ELMO1: variants seen among roughly 807,000 people sequenced by gnomAD.
The protein encoded by ELMO1 is engulfment and cell motility protein 1.
Under a neutral mutation model 98.9 loss-of-function variants are expected in ELMO1, and 26 were observed. The ratio of observed to expected loss-of-function variants is 0.26; its 90% CI spans 0.19 to 0.36. The LOEUF is 0.36. Ranked by LOEUF, ELMO1 falls within the 10% of genes least tolerant of loss-of-function variation. The pLI is 1.00. For missense variants in ELMO1, 627 were observed against 935.2 expected (o/e 0.67, Z 4.30); for synonymous variants, 346 against 346.0 (o/e 1.00, Z 0.00).
intron 13 of ELMO1, among the ~76,000 whole-genome samples, chr7:37,175,362 C>T (rs977809484): frequency 2.0e-5 from 3 of 152,170 alleles, no homozygotes; most frequent in African/African-American, 4.8e-5. Flanking sequence ...CCAGTTGGAA[C>T]GGCATGCCAA....
chr7:37,000,093 A>AAACAAG (rs1792539746), intron 16 of ELMO1, among the ~76,000 whole-genome samples: 1 of 152,208 alleles, frequency 6.6e-6, no homozygotes, highest in South Asian at 2.1e-4. Flanking sequence ...AACCACAATA[A>AAACAAG]AACAAGCCAA....
intron 2 of ELMO1, among the ~76,000 whole-genome samples, chr7:37,316,929 A>AT (rs1172509140): frequency 0.01 from 1 of 96 alleles, no homozygotes; most frequent in Non-Finnish European, 0.021. Flanking sequence ...ATCAGTTCAA[A>AT]TCCAGCTCTA....
intron 17 of ELMO1, among the ~76,000 whole-genome samples, chr7:36,889,809 C>T (rs28501167): frequency 0.13 from 19,135 of 152,160 alleles, 1,362 homozygotes; most frequent in South Asian, 0.22. Context: ...ACAAGAGTTA[C>T]TCCCCGCTTT....
At position 37,159,569 on chromosome 7, in the gene ELMO1, G is replaced by A. The variant is rs180739223; in HGVS notation, c.1087-26335C>T. ...ACAAAAATTAGCCAGGCGTGGTGGT[G>A]TGCACCTATAGTCCCAGCTACTGGG... On this transcript the variant is annotated intron_variant, in intron 13 of 21. Transcript: ENST00000310758. Among the ~76,000 whole-genome samples the A allele has an allele frequency of 6.6e-3, 1,005 of 152,248 alleles. 6 individuals are homozygous for A. The highest frequency in any genetic ancestry group is 0.011 in the Non-Finnish European group (716 of 68,022).
chr7:37,291,951 C>G (rs1438435208), intron 4 of ELMO1, among the ~76,000 whole-genome samples: 1 of 91,302 alleles, frequency 1.1e-5, no homozygotes, highest in Non-Finnish European at 2.2e-5. Flanking sequence ...TCCCTCTGCC[C>G]ACGGTCTCCC....
At chr7:37,322,831 T>C (rs1385569205) in intron 2 of ELMO1, among the ~76,000 whole-genome samples, 1 of 151,810 alleles carries the variant, frequency 6.6e-6, no homozygotes, top group Non-Finnish European at 1.5e-5. Flanking sequence ...CGAAAAAAAA[T>C]TGGTATTGAG....
At chr7:37,397,611 A>C (rs1803352668) in intron 1 of ELMO1, among the ~76,000 whole-genome samples, 1 of 152,234 alleles carries the variant, frequency 6.6e-6, no homozygotes, top group Non-Finnish European at 1.5e-5. Flanking sequence ...AAAGATCTAG[A>C]ACCAGAAATA....
intron 14 of ELMO1, among the ~76,000 whole-genome samples, chr7:37,118,328 G>C (rs1785742554): frequency 6.6e-6 from 1 of 152,164 alleles, no homozygotes; most frequent in Non-Finnish European, 1.5e-5. Flanking sequence ...AGCTCCCAGA[G>C]CACTGGTCCA....
rs192609172 is a variant in ELMO1, at chr7:37,155,651, C to A, written c.1087-22417G>T. Among the ~76,000 whole-genome samples, 256 of 152,206 alleles carry A rather than the reference C, an allele frequency of 1.7e-3. 1 individual carries two copies. The highest frequency in any genetic ancestry group is 2.0e-3 in the Non-Finnish European group (139 of 68,024). On this transcript the variant is annotated intron_variant, in intron 13 of 21. Transcript: ENST00000310758. ...ATCCTAAATATATATGCACCCAATA[C>A]AGGAGCATCCAGATTCATAAAGCAA...
chr7:36,938,619 T>C (rs1447104880), intron 16 of ELMO1, among the ~76,000 whole-genome samples: 1 of 152,256 alleles, frequency 6.6e-6, no homozygotes, highest in Admixed American at 6.5e-5. Context: ...GCATATATCA[T>C]ATTATGATTA....
At chr7:37,289,142 A>G (rs1797548429) in intron 4 of ELMO1, among the ~76,000 whole-genome samples, 1 of 152,206 alleles carries the variant, frequency 6.6e-6, no homozygotes, top group Non-Finnish European at 1.5e-5. Context: ...TGTTCATCAA[A>G]TGCTTTTTGA....
intron 6 of ELMO1, among the ~76,000 whole-genome samples, chr7:37,258,515 G>A (rs771164283): frequency 2.0e-5 from 3 of 152,090 alleles, no homozygotes; most frequent in Admixed American, 1.3e-4. Flanking sequence ...GGAATTACAC[G>A]CAATAGAATT....
At chr7:37,352,453 T>C (rs1229604841) in intron 1 of ELMO1, among the ~76,000 whole-genome samples, 1 of 152,252 alleles carries the variant, frequency 6.6e-6, no homozygotes, top group Non-Finnish European at 1.5e-5. Context: ...TCAGGGACTT[T>C]AACGTAACAC....
chr7:37,289,673 G>A (rs1389174892), intron 4 of ELMO1, among the ~76,000 whole-genome samples: 1 of 152,182 alleles, frequency 6.6e-6, no homozygotes, highest in African/African-American at 2.4e-5. Context: ...GATCTGGACT[G>A]ACAGCTGGAA....
chr7:37,066,135 A>G (rs187824420), intron 15 of ELMO1, among the ~76,000 whole-genome samples: 1 of 152,332 alleles, frequency 6.6e-6, no homozygotes, highest in East Asian at 1.9e-4. Flanking sequence ...TGGAACTGTG[A>G]GTCAATTAGA....
intron 16 of ELMO1, among the ~76,000 whole-genome samples, chr7:36,992,631 CT>C (rs1470800897): frequency 6.6e-6 from 1 of 152,184 alleles, no homozygotes; most frequent in African/African-American, 2.4e-5. Flanking sequence ...TGAGAAACAG[CT>C]TCTTCACCAT....
intron 2 of ELMO1, among the ~76,000 whole-genome samples, chr7:37,323,274 T>A (rs1799618268): frequency 6.6e-6 from 1 of 152,374 alleles, no homozygotes; most frequent in Non-Finnish European, 1.5e-5. Context: ...TTATTAAGGA[T>A]GTATTCCTCT....
intron 2 of ELMO1, among the ~76,000 whole-genome samples, chr7:37,339,496 A>T (rs1225555502): frequency 6.6e-6 from 1 of 152,272 alleles, no homozygotes; most frequent in East Asian, 1.9e-4. Flanking sequence ...AGAGCTTTCT[A>T]AATGAAGCTA....
At chr7:37,273,948 T>C (rs549995672) in intron 4 of ELMO1, among the ~76,000 whole-genome samples, 151 of 152,330 alleles carry the variant, frequency 9.9e-4, no homozygotes, top group Non-Finnish European at 1.6e-3. Context: ...CCAGTATTTC[T>C]TCCCAAAGAA....
Sources: allele counts gnomAD v4.1 joint callset (sites outside exome capture counted in the v4.1 genomes callset), GRCh38; gene constraint gnomAD v4.1.1; transcripts MANE v1.5; gene names NCBI Gene and HGNC (gene_info 2026-07-23, HGNC 2026-07-21).